The following TTBK2 variants were observed in gnomAD, a reference collection of about 807,000 sequenced individuals.
The protein encoded by TTBK2 is tau-tubulin kinase 2.
TTBK2 carries 28 observed loss-of-function variants against 110.8 expected under a neutral mutation model. The observed-to-expected ratio is 0.25, with a 90% CI of 0.19 to 0.35. The LOEUF (loss-of-function observed/expected upper bound fraction) is 0.35, where lower values mean the gene tolerates loss of function less well. Ranked by LOEUF, TTBK2 falls within the 10% of genes least tolerant of loss-of-function variation. The pLI, the probability that TTBK2 is intolerant of heterozygous loss-of-function variation, is 1.00. For missense variants in TTBK2, 1,369 were observed against 1,500.3 expected, an observed-to-expected ratio of 0.91 and a Z score of 1.45; for synonymous variants, 532 against 527.3, an observed-to-expected ratio of 1.01 and a Z score of -0.12.
intron 10 of TTBK2, among the ~76,000 whole-genome samples, chr15:42,790,485 A>T (rs991384483): frequency 6.6e-6 from 1 of 151,550 alleles, no homozygotes; most frequent in African/African-American, 2.4e-5. Flanking sequence ...GGGTTTCACC[A>T]TGTTGCCCAG....
intron 1 of TTBK2, among the ~76,000 whole-genome samples, chr15:42,883,472 T>C (rs1308452142): frequency 6.6e-6 from 1 of 151,414 alleles, no homozygotes; most frequent in Non-Finnish European, 1.5e-5. Context: ...GGTAATGTAA[T>C]ATTCATATTA....
At chr15:42,830,907 A>C (rs975157322) in intron 4 of TTBK2, among the ~76,000 whole-genome samples, 5 of 151,956 alleles carry the variant, frequency 3.3e-5, no homozygotes, top group African/African-American at 1.2e-4. Flanking sequence ...CGGGAGGCTG[A>C]GGCAGAAGAA....
At chr15:42,910,686 T>C (rs1199934362) in intron 1 of TTBK2, among the ~76,000 whole-genome samples, 2 of 152,192 alleles carry the variant, frequency 1.3e-5, no homozygotes, top group African/African-American at 4.8e-5. Flanking sequence ...ATTTCCAAAA[T>C]AGTCTTTGAA....
rs374795359 is a variant in TTBK2, at chr15:42,752,558, G to C, written c.2688C>G (p.Leu896=). 6 of 1,614,034 alleles carry C rather than the reference G, an allele frequency of 3.7e-6. No homozygotes were observed. The highest frequency in any genetic ancestry group is 4.2e-6 in the Non-Finnish European group (5 of 1,180,042). The change falls in exon 14 of 15, where the codon CTC becomes CTG. Residue 896 remains leucine, a synonymous_variant. Coordinates refer to ENST00000267890, the MANE Select transcript of TTBK2 (RefSeq NM_173500.4). The part of the protein sequence containing the change: ...SEDLPGHQGD[L]STFLHQEGKR... ...TGCCCTCTTGGTGCAAAAAAGTAGA[G>C]AGGTCTCCTTGATGACCTGGCAAGT...
At chr15:42,904,733 G>A (rs574005585) in intron 1 of TTBK2, among the ~76,000 whole-genome samples, 8 of 152,256 alleles carry the variant, frequency 5.3e-5, no homozygotes, top group African/African-American at 1.9e-4. Context: ...CAATCACCTA[G>A]ATTATAAACT....
chr15:42,910,794 C>T (rs1353448070), intron 1 of TTBK2, among the ~76,000 whole-genome samples: 2 of 152,038 alleles, frequency 1.3e-5, no homozygotes, highest in African/African-American at 2.4e-5. Flanking sequence ...GCCTGTAATC[C>T]CAGCACTTTG....
intron 1 of TTBK2, among the ~76,000 whole-genome samples, chr15:42,912,006 T>C (rs1030077779): frequency 4.0e-5 from 6 of 151,848 alleles, no homozygotes; most frequent in African/African-American, 1.5e-4. Flanking sequence ...GCTCATAAAG[T>C]CTTAAGAAAG....
intron 3 of TTBK2, among the ~76,000 whole-genome samples, chr15:42,848,988 A>G (rs1016177661): frequency 6.6e-6 from 1 of 152,160 alleles, no homozygotes; most frequent in African/African-American, 2.4e-5. Flanking sequence ...CTATATAGAC[A>G]ATCATGTCAT....
At chr15:42,815,333 G>T (rs1306255523) in intron 7 of TTBK2, among the ~76,000 whole-genome samples, 1 of 151,206 alleles carries the variant, frequency 6.6e-6, no homozygotes, top group African/African-American at 2.4e-5. Context: ...CAAATTAACT[G>T]CAGCATAGCA....
intron 6 of TTBK2, among the ~76,000 whole-genome samples, chr15:42,819,636 A>G (rs757395539): frequency 2.0e-5 from 3 of 152,324 alleles, no homozygotes; most frequent in Non-Finnish European, 2.9e-5. Context: ...TTCATTGACA[A>G]TCATAGTCAG....
At chr15:42,884,958 TA>T (rs1895186203) in intron 1 of TTBK2, among the ~76,000 whole-genome samples, 1 of 152,168 alleles carries the variant, frequency 6.6e-6, no homozygotes, top group Non-Finnish European at 1.5e-5. Flanking sequence ...ACATTCTTTG[TA>T]ATTCTTCCCA....
chr15:42,910,910 GGC>G (rs974699368), intron 1 of TTBK2, among the ~76,000 whole-genome samples: 3 of 152,052 alleles, frequency 2.0e-5, no homozygotes, highest in African/African-American at 4.8e-5. Context: ...CAGGCATGGT[GGC>G]AGGTGCCTGT....
intron 14 of TTBK2, among the ~76,000 whole-genome samples, chr15:42,746,891 G>A (rs1275177724): frequency 6.6e-6 from 1 of 151,822 alleles, no homozygotes; most frequent in Non-Finnish European, 1.5e-5. Context: ...CCTGTCAATA[G>A]TCTGGGATTA....
chr15:42,820,829 C>T (rs1424793527), intron 6 of TTBK2, among the ~76,000 whole-genome samples: 4 of 151,740 alleles, frequency 2.6e-5, no homozygotes, highest in Non-Finnish European at 5.9e-5. Context: ...CATAGTGAGA[C>T]CCCCGTCTCT....
At chr15:42,881,849 C>G (rs962831910) in intron 1 of TTBK2, among the ~76,000 whole-genome samples, 6 of 149,966 alleles carry the variant, frequency 4.0e-5, no homozygotes, top group African/African-American at 1.5e-4. Context: ...CTAGCCTAGG[C>G]AACAGAACGA....
chr15:42,837,274 C>T (rs1400900366), intron 4 of TTBK2, among the ~76,000 whole-genome samples: 1 of 150,868 alleles, frequency 6.6e-6, no homozygotes, highest in Non-Finnish European at 1.5e-5. Flanking sequence ...AGGAGAATCA[C>T]TTGAACCTGG....
At chr15:42,878,330 T>G (rs909758001) in intron 2 of TTBK2, among the ~76,000 whole-genome samples, 57 of 152,174 alleles carry the variant, frequency 3.7e-4, no homozygotes, top group African/African-American at 9.6e-4. Flanking sequence ...GTTCAAAAAT[T>G]TAGTACTATA....
At chr15:42,815,949 TAAAAAAA>T (rs375184494) in intron 7 of TTBK2, among the ~76,000 whole-genome samples, 2 of 37,174 alleles carry the variant, frequency 5.4e-5, no homozygotes, top group African/African-American at 3.5e-4. Flanking sequence ...TATATATATT[TAAAAAAA>T]AAATATATAT....
intron 3 of TTBK2, among the ~76,000 whole-genome samples, chr15:42,853,862 C>T (rs1567060984): frequency 1.3e-5 from 2 of 151,562 alleles, no homozygotes; most frequent in Non-Finnish European, 2.9e-5. Context: ...GCCTGGGCAA[C>T]AGTTGAAGGC....
Sources: allele counts gnomAD v4.1 joint callset (sites outside exome capture counted in the v4.1 genomes callset), GRCh38; gene constraint gnomAD v4.1.1; transcripts MANE v1.5; gene names NCBI Gene and HGNC (gene_info 2026-07-23, HGNC 2026-07-21).